SMOC2: variants seen among roughly 807,000 people sequenced by gnomAD.
SMOC2 encodes SPARC related modular calcium binding 2.
Under a neutral mutation model 61.4 loss-of-function variants are expected in SMOC2, and 39 were observed. That is an observed-to-expected ratio of 0.64 (90% CI 0.49 to 0.83). The LOEUF is 0.83. Ranked by LOEUF, SMOC2 falls within the 40% of genes least tolerant of loss-of-function variation. The pLI is 0.00. For synonymous variants in SMOC2, 247 were observed against 239.9 expected (o/e 1.03, Z -0.27); for missense variants, 556 against 592.9 (o/e 0.94, Z 0.65).
At chr6:168,505,835 T>TC (rs961064482) in intron 1 of SMOC2, among the ~76,000 whole-genome samples, 10 of 152,110 alleles carry the variant, frequency 6.6e-5, no homozygotes, top group Non-Finnish European at 1.5e-4. Context: ...CTCCCACCTG[T>TC]CCCCAGTGAC....
chr6:168,447,208 A>G (rs1192905587), intron 1 of SMOC2, among the ~76,000 whole-genome samples: 1 of 151,638 alleles, frequency 6.6e-6, no homozygotes, highest in Non-Finnish European at 1.5e-5. Flanking sequence ...CTGGGACTAT[A>G]GGCACACGCT....
At chr6:168,631,436 G>T (rs1174617435) in intron 9 of SMOC2, among the ~76,000 whole-genome samples, 1 of 152,166 alleles carries the variant, frequency 6.6e-6, no homozygotes, top group Non-Finnish European at 1.5e-5. Flanking sequence ...GCAGGACTAG[G>T]CAATGAGTGT....
intron 10 of SMOC2, among the ~76,000 whole-genome samples, chr6:168,651,064 C>T (rs145217759): frequency 7.3e-4 from 111 of 152,320 alleles, no homozygotes; most frequent in African/African-American, 2.6e-3. Context: ...TGGTGCGGAG[C>T]AGGGCAGGGG....
At chr6:168,550,471 C>T (rs909203526) in intron 7 of SMOC2, among the ~76,000 whole-genome samples, 1 of 152,202 alleles carries the variant, frequency 6.6e-6, no homozygotes, top group Non-Finnish European at 1.5e-5. Flanking sequence ...CCAGCAGCCA[C>T]CTCAGAACCC....
At chr6:168,527,856 G>C in intron 4 of SMOC2, 129 bp downstream of exon 4, 1 of 685,484 alleles carries the variant, frequency 1.5e-6, no homozygotes, top group Non-Finnish European at 2.6e-6. Context: ...GTGAGCCACA[G>C]TGGGAATAGA....
chr6:168,504,914 T>TGGGG (rs138981135), intron 1 of SMOC2, among the ~76,000 whole-genome samples: 44,697 of 151,940 alleles, frequency 0.29, 7,173 homozygotes, highest in Non-Finnish European at 0.37. Flanking sequence ...TCTTAAAGAC[T>TGGGG]GGGAGCAAGA....
chr6:168,498,870 C>T (rs966395929), intron 1 of SMOC2, among the ~76,000 whole-genome samples: 3 of 134,678 alleles, frequency 2.2e-5, no homozygotes, highest in African/African-American at 5.2e-5. Flanking sequence ...CCCAGCCCTA[C>T]GAGCCACAGT....
intron 8 of SMOC2, among the ~76,000 whole-genome samples, chr6:168,599,298 A>ACC (rs1337662801): frequency 4.9e-5 from 3 of 61,062 alleles, no homozygotes; most frequent in South Asian, 5.7e-4. Flanking sequence ...ACACACACAT[A>ACC]CCACACACAC....
At chr6:168,569,641 G>A (rs945106483) in intron 7 of SMOC2, among the ~76,000 whole-genome samples, 2 of 152,080 alleles carry the variant, frequency 1.3e-5, no homozygotes, top group Admixed American at 6.6e-5. Context: ...ACAGGGTTTG[G>A]CCATGTTGCC....
chr6:168,600,183 AT>A, intron 8 of SMOC2, among the ~76,000 whole-genome samples: 1 of 152,214 alleles, frequency 6.6e-6, no homozygotes. Flanking sequence ...AGGCGGGTGG[AT>A]CACCTGAGGT....
intron 4 of SMOC2, among the ~76,000 whole-genome samples, chr6:168,539,648 C>T (rs1030429774): frequency 4.6e-5 from 7 of 152,222 alleles, no homozygotes; most frequent in African/African-American, 9.6e-5. Flanking sequence ...ACAGAACGCT[C>T]CTAACAGGTG....
intron 8 of SMOC2, among the ~76,000 whole-genome samples, chr6:168,599,301 A>T (rs1254926267): frequency 1.5e-5 from 1 of 67,956 alleles, no homozygotes. Context: ...CACACATACC[A>T]CACACACACC....
chr6:168,456,727 G>C (rs1781595909), intron 1 of SMOC2, among the ~76,000 whole-genome samples: 2 of 152,196 alleles, frequency 1.3e-5, no homozygotes, highest in Non-Finnish European at 2.9e-5. Flanking sequence ...CCAGATTGTG[G>C]GACATCAGGT....
At chr6:168,591,124 CT>C (rs1318147782) in intron 7 of SMOC2, among the ~76,000 whole-genome samples, 1 of 152,112 alleles carries the variant, frequency 6.6e-6, no homozygotes, top group Non-Finnish European at 1.5e-5. Flanking sequence ...TAAAACAACA[CT>C]TATAGAAGTA....
intron 2 of SMOC2, among the ~76,000 whole-genome samples, chr6:168,523,944 C>T (rs1481243916): frequency 1.3e-5 from 2 of 151,954 alleles, no homozygotes; most frequent in Middle Eastern, 3.2e-3. Flanking sequence ...TCTTTCAAAG[C>T]GATTAAAAAG....
chr6:168,660,491 A>T (rs1787480192), intron 11 of SMOC2, among the ~76,000 whole-genome samples: 1 of 152,228 alleles, frequency 6.6e-6, no homozygotes. Context: ...GGTAACTTTT[A>T]TGAGTCATGA....
rs570220114 is a variant in SMOC2 at position 168,551,556 on chromosome 6, C to T, written c.637+2353C>T. Among the ~76,000 whole-genome samples the T allele has an allele frequency of 9.2e-5, 14 of 152,118 alleles. No homozygotes were observed. In the South Asian group the frequency reaches 1.2e-3, roughly 14 times the overall value. On this transcript the variant is annotated intron_variant, in intron 7 of 12. Transcript: ENST00000356284. ...GTAACCTCCGCCTCCCAGGTTCAAG[C>T]GATTCTCCTGCCTCAGCCTCCTGAG...
chr6:168,473,466 C>A (rs1456877597), intron 1 of SMOC2, among the ~76,000 whole-genome samples: 1 of 152,118 alleles, frequency 6.6e-6, no homozygotes, highest in Non-Finnish European at 1.5e-5. Context: ...GCCTGTGAAA[C>A]GATACTGTTA....
chr6:168,516,282 G>T (rs1783132086), intron 2 of SMOC2, among the ~76,000 whole-genome samples: 1 of 151,308 alleles, frequency 6.6e-6, no homozygotes, highest in African/African-American at 2.4e-5. Flanking sequence ...TATGTTTTCA[G>T]AACTCTGCAC....
Sources: allele counts gnomAD v4.1 joint callset (sites outside exome capture counted in the v4.1 genomes callset), GRCh38; gene constraint gnomAD v4.1.1; transcripts MANE v1.5; gene names NCBI Gene and HGNC (gene_info 2026-07-23, HGNC 2026-07-21).